The following JAKMIP2 variants were observed in gnomAD, a reference collection of about 807,000 sequenced individuals.
JAKMIP2 encodes the protein janus kinase and microtubule-interacting protein 2.
In JAKMIP2, 25 loss-of-function variants were observed where a neutral mutation model predicts 115.0. The ratio of observed to expected loss-of-function variants is 0.22; its 90% CI spans 0.16 to 0.30. The LOEUF is 0.30. Ranked by LOEUF, JAKMIP2 falls within the 10% of genes least tolerant of loss-of-function variation. JAKMIP2 has a pLI of 1.00. For missense variants in JAKMIP2, 642 were observed against 957.6 expected (o/e 0.67, Z 4.35); for synonymous variants, 334 against 343.6 (o/e 0.97, Z 0.31).
chr5:147,595,583 G>C (rs1178803923), intron 21 of JAKMIP2: 2 of 453,662 alleles, frequency 4.4e-6, no homozygotes, highest in Non-Finnish European at 4.4e-6. Context: ...CCTAGTCTCA[G>C]GTATTTTGTT....
chr5:147,617,867 T>G, intron 19 of JAKMIP2, 44 bp downstream of exon 19: 1 of 1,505,344 alleles, frequency 6.6e-7, no homozygotes, highest in Non-Finnish European at 9.2e-7. Flanking sequence ...TAAGTTCCAT[T>G]TGCTAGTACT....
intron 21 of JAKMIP2, chr5:147,595,521 A>G (rs1421786759): frequency 2.2e-6 from 1 of 455,348 alleles, no homozygotes; most frequent in Non-Finnish European, 4.4e-6. Context: ...CTCGATCTTC[A>G]ATTTCCAGCC....
intron 1 of JAKMIP2, among the ~76,000 whole-genome samples, chr5:147,759,057 G>A (rs977236579): frequency 3.0e-4 from 46 of 152,030 alleles, no homozygotes; most frequent in African/African-American, 9.9e-4. Context: ...AATTTTAAGG[G>A]TTATGTCTTA....
chr5:147,677,376 T>C (rs1352121953), intron 1 of JAKMIP2, among the ~76,000 whole-genome samples: 2 of 152,154 alleles, frequency 1.3e-5, no homozygotes, highest in Non-Finnish European at 2.9e-5. Context: ...AAATTATTGA[T>C]AACTCAAGTT....
chr5:147,758,214 T>A (rs1303699166), intron 1 of JAKMIP2, among the ~76,000 whole-genome samples: 1 of 152,166 alleles, frequency 6.6e-6, no homozygotes, highest in Non-Finnish European at 1.5e-5. Context: ...AGTTTCAAAT[T>A]TTACAACTTT....
At chr5:147,684,427 T>C (rs1223034322) in intron 1 of JAKMIP2, among the ~76,000 whole-genome samples, 1 of 152,002 alleles carries the variant, frequency 6.6e-6, no homozygotes, top group African/African-American at 2.4e-5. Context: ...ATAGGTAAAT[T>C]CTGAAAAAAT....
intron 1 of JAKMIP2, among the ~76,000 whole-genome samples, chr5:147,693,635 G>A (rs890494611): frequency 3.3e-5 from 5 of 151,338 alleles, no homozygotes; most frequent in Admixed American, 2.0e-4. Flanking sequence ...AGAGTAAGAG[G>A]CACAAAATAA....
chr5:147,652,098 A>C (rs1245931753), intron 3 of JAKMIP2, among the ~76,000 whole-genome samples: 2 of 152,118 alleles, frequency 1.3e-5, no homozygotes, highest in African/African-American at 4.8e-5. Flanking sequence ...ATCTTTCACT[A>C]TATTCAGGGT....
chr5:147,636,824 T>C (rs529303917), intron 11 of JAKMIP2, 141 bp downstream of exon 11: 3 of 760,996 alleles, frequency 3.9e-6, no homozygotes, highest in African/African-American at 1.7e-5. Context: ...AAGTACAGAG[T>C]TGAACATTCT....
At chr5:147,631,661 T>C (rs1435556347) in intron 13 of JAKMIP2, 150 bp from the exon 14 acceptor site, 2 of 549,996 alleles carry the variant, frequency 3.6e-6, no homozygotes, top group East Asian at 3.0e-5. Flanking sequence ...CATGATTAAA[T>C]GTGACGGAAA....
chr5:147,657,396 T>C (rs1160122765), intron 3 of JAKMIP2, among the ~76,000 whole-genome samples: 1 of 152,244 alleles, frequency 6.6e-6, no homozygotes, highest in Non-Finnish European at 1.5e-5. Context: ...GGCTTCCCTT[T>C]TTAGGTGACC....
At chr5:147,739,932 G>A (rs1260571037) in intron 1 of JAKMIP2, among the ~76,000 whole-genome samples, 2 of 152,162 alleles carry the variant, frequency 1.3e-5, no homozygotes, top group East Asian at 3.9e-4. Context: ...GAAAGACTAT[G>A]TCTAGTATGC....
chr5:147,753,851 G>T (rs746662252), intron 1 of JAKMIP2, among the ~76,000 whole-genome samples: 13 of 147,766 alleles, frequency 8.8e-5, no homozygotes, highest in Non-Finnish European at 1.6e-4. Flanking sequence ...TCTTATAATA[G>T]CTAAAGGTTC....
intron 1 of JAKMIP2, among the ~76,000 whole-genome samples, chr5:147,677,813 CT>C (rs548442784): frequency 3.9e-5 from 6 of 152,232 alleles, no homozygotes; most frequent in East Asian, 1.9e-4. Context: ...AACTCACATA[CT>C]TTTTTTGTGG....
intron 3 of JAKMIP2, among the ~76,000 whole-genome samples, chr5:147,659,591 T>A (rs1358936631): frequency 6.6e-6 from 1 of 152,194 alleles, no homozygotes; most frequent in Non-Finnish European, 1.5e-5. Context: ...GTGGATATAC[T>A]TATAGATTTT....
chr5:147,701,805 C>T (rs1034660091), intron 1 of JAKMIP2, among the ~76,000 whole-genome samples: 6 of 152,136 alleles, frequency 3.9e-5, no homozygotes, highest in Non-Finnish European at 7.4e-5. Flanking sequence ...ACCAAATGTG[C>T]TGGTGCCTTG....
At chr5:147,759,976 A>G (rs1754876412) in intron 1 of JAKMIP2, among the ~76,000 whole-genome samples, 1 of 152,056 alleles carries the variant, frequency 6.6e-6, no homozygotes, top group African/African-American at 2.4e-5. Context: ...GATTTAGGGA[A>G]TGTTTTGAGG....
At chr5:147,703,641 G>A (rs894872342) in intron 1 of JAKMIP2, among the ~76,000 whole-genome samples, 48 of 148,796 alleles carry the variant, frequency 3.2e-4, no homozygotes, top group Admixed American at 9.4e-4. Context: ...TTCCCAGGCT[G>A]GTCTCGTGCT....
At chr5:147,705,187 G>A (rs1752515725) in intron 1 of JAKMIP2, among the ~76,000 whole-genome samples, 1 of 152,146 alleles carries the variant, frequency 6.6e-6, no homozygotes. Context: ...ATCAAGCTGA[G>A]TTTGAACCCT....
Sources: gnomAD v4.1 joint callset for allele counts (sites outside exome capture counted in the v4.1 genomes callset) on GRCh38, gnomAD v4.1.1 for gene constraint, MANE v1.5 for transcripts, NCBI Gene and HGNC (gene_info 2026-07-23, HGNC 2026-07-21) for gene names.